CTNNA2: variants seen among roughly 807,000 people sequenced by gnomAD.
CTNNA2 encodes catenin alpha 2.
Under a neutral mutation model 101.0 loss-of-function variants are expected in CTNNA2, and 42 were observed. The observed-to-expected ratio is 0.42, with a 90% confidence interval of 0.32 to 0.54. The LOEUF (loss-of-function observed/expected upper bound fraction) is 0.54, where lower values mean the gene tolerates loss of function less well. Among genes scored for constraint, CTNNA2 ranks in the 20% least tolerant of loss-of-function variants. The pLI is 0.14. For synonymous variants in CTNNA2, 450 were observed against 456.4 expected (o/e 0.99, Z 0.18); for missense variants, 871 against 1,223.1 (o/e 0.71, Z 4.29).
chr2:79,252,292 AT>A (rs5832371), intron 2 of CTNNA2, among the ~76,000 whole-genome samples: 20 of 150,518 alleles, frequency 1.3e-4, no homozygotes, highest in Admixed American at 2.6e-4. Context: ...TTTGGAAGAG[AT>A]TTTTTTTTTT....
At chr2:80,444,008 A>G (rs1682847008) in intron 9 of CTNNA2, among the ~76,000 whole-genome samples, 1 of 152,182 alleles carries the variant, frequency 6.6e-6, no homozygotes, top group Non-Finnish European at 1.5e-5. Flanking sequence ...AAAATTTTGT[A>G]AGGTCTGCTA....
At chr2:80,175,500 C>T (rs1573304067) in intron 7 of CTNNA2, among the ~76,000 whole-genome samples, 1 of 151,430 alleles carries the variant, frequency 6.6e-6, no homozygotes, top group Non-Finnish European at 1.5e-5. Flanking sequence ...CTGAAATTTA[C>T]TCTCTCCTTC....
intron 9 of CTNNA2, among the ~76,000 whole-genome samples, chr2:80,507,315 T>C (rs1688356482): frequency 1.3e-5 from 2 of 152,152 alleles, no homozygotes; most frequent in Non-Finnish European, 2.9e-5. Flanking sequence ...CTCTTTTATT[T>C]ATCCCTTTTA....
At chr2:79,190,899 T>A (rs904157730) in intron 1 of CTNNA2, among the ~76,000 whole-genome samples, 4 of 152,190 alleles carry the variant, frequency 2.6e-5, no homozygotes, top group African/African-American at 9.6e-5. Context: ...CCCAATGTGG[T>A]CCCTGTCTCT....
At chr2:79,690,722 T>C (rs986502493) in intron 2 of CTNNA2, among the ~76,000 whole-genome samples, 1 of 151,920 alleles carries the variant, frequency 6.6e-6, no homozygotes, top group Admixed American at 6.6e-5. Context: ...GAACAGGTGG[T>C]GGAGCGAGGA....
At chr2:79,372,349 C>G (rs2104455715) in intron 3 of CTNNA2, among the ~76,000 whole-genome samples, 1 of 152,172 alleles carries the variant, frequency 6.6e-6, no homozygotes, top group East Asian at 1.9e-4. Context: ...GAGTTACCTA[C>G]TCATTTGTAT....
intron 18 of CTNNA2, among the ~76,000 whole-genome samples, chr2:80,645,557 AAAGATTGC>A (rs138068347): frequency 7.1e-6 from 1 of 140,628 alleles, no homozygotes; most frequent in African/African-American, 2.7e-5. Flanking sequence ...TAGTTAAAAC[AAAGATTGC>A]AAGGTTTTGA....
intron 7 of CTNNA2, among the ~76,000 whole-genome samples, chr2:80,096,159 C>T (rs1700136786): frequency 6.6e-6 from 1 of 152,010 alleles, no homozygotes; most frequent in African/African-American, 2.4e-5. Flanking sequence ...AAATTTCCCT[C>T]TACACACTGC....
chr2:80,316,612 G>T (rs1678149860), intron 7 of CTNNA2, among the ~76,000 whole-genome samples: 1 of 152,196 alleles, frequency 6.6e-6, no homozygotes, highest in Non-Finnish European at 1.5e-5. Context: ...CAGAGAGAGA[G>T]AGGAAAAAGC....
In CTNNA2 at chr2:80,561,379, C is replaced by T. The variant is rs529500902; in HGVS notation, c.1741+5486C>T. ...AATGTCTTTTTTATATGACTAAAAC[C>T]TATATACTCTAAGTATTGTAGAAAT... On this transcript the variant is annotated intron_variant, in intron 12 of 18. Coordinates refer to ENST00000402739, the MANE Select transcript of CTNNA2 (RefSeq NM_001282597.3). 2.6e-5 allele frequency among the ~76,000 whole-genome samples: 4 copies of T among 152,226 alleles called. No individual in the cohort carries two copies. The East Asian group carries it at 7.7e-4, about 29-fold the overall frequency.
intron 3 of CTNNA2, among the ~76,000 whole-genome samples, chr2:79,748,465 G>A (rs1188532997): frequency 2.6e-5 from 4 of 152,114 alleles, no homozygotes; most frequent in African/African-American, 4.8e-5. Flanking sequence ...ATGATATGTT[G>A]TGGGAATGAA....
intron 2 of CTNNA2, among the ~76,000 whole-genome samples, chr2:79,689,572 A>G (rs1290453095): frequency 6.6e-6 from 1 of 152,076 alleles, no homozygotes; most frequent in Non-Finnish European, 1.5e-5. Context: ...AGTGTATGAC[A>G]TTAAATAAAA....
In CTNNA2 at chr2:79,396,541, CAGA is replaced by C. The variant is rs570033993; in HGVS notation, c.-135+22532_-135+22534del. Reference sequence around the variant, plus strand: ...TCACTGAAGAAGGAGATTTTGGACACAGAAGATTAGGTTCGACTGTCTTCCAAC... The same window carrying C: ...TCACTGAAGAAGGAGATTTTGGACACAGATTAGGTTCGACTGTCTTCCAAC... On this transcript the variant is annotated intron_variant, in intron 4 of 21. Transcript: ENST00000466387. 2.5e-3 allele frequency among the ~76,000 whole-genome samples: 380 copies of C among 152,210 alleles called. 1 individual carries two copies. Among genetic ancestry groups the C allele is most frequent in the African/African-American group, 7.3e-3 (305 of 41,534 alleles).
intron 1 of CTNNA2, among the ~76,000 whole-genome samples, chr2:79,591,128 T>C (rs1676818791): frequency 6.6e-6 from 1 of 152,202 alleles, no homozygotes; most frequent in African/African-American, 2.4e-5. Flanking sequence ...GGTTTTGCTA[T>C]TTATAAGAAG....
intron 3 of CTNNA2, among the ~76,000 whole-genome samples, chr2:79,359,185 T>G (rs979488423): frequency 6.6e-6 from 1 of 152,080 alleles, no homozygotes; most frequent in Non-Finnish European, 1.5e-5. Flanking sequence ...GGATGCCTGG[T>G]TTGGGATAAA....
At chr2:80,538,701 TATACAGGC>T (rs1691263898) in intron 9 of CTNNA2, among the ~76,000 whole-genome samples, 1 of 152,230 alleles carries the variant, frequency 6.6e-6, no homozygotes, top group African/African-American at 2.4e-5. Flanking sequence ...TTGTCTTGGC[TATACAGGC>T]TCTTTTTTGT....
intron 4 of CTNNA2, among the ~76,000 whole-genome samples, chr2:79,415,238 C>T (rs1286713320): frequency 1.3e-5 from 2 of 152,092 alleles, no homozygotes; most frequent in East Asian, 3.9e-4. Context: ...GAATGTGGCA[C>T]CTCCACCACT....
At chr2:80,055,075 G>A (rs908039612) in intron 7 of CTNNA2, among the ~76,000 whole-genome samples, 1 of 152,066 alleles carries the variant, frequency 6.6e-6, no homozygotes, top group African/African-American at 2.4e-5. Flanking sequence ...GGTCCAGGCT[G>A]GAGTGCAGTG....
At chr2:79,260,169 G>A (rs577196214) in intron 2 of CTNNA2, among the ~76,000 whole-genome samples, 1 of 152,030 alleles carries the variant, frequency 6.6e-6, no homozygotes, top group South Asian at 2.1e-4. Flanking sequence ...TGTTCTAAGT[G>A]GGACTGTTGT....
Sources: gnomAD v4.1 joint callset for allele counts (sites outside exome capture counted in the v4.1 genomes callset) on GRCh38, gnomAD v4.1.1 for gene constraint, MANE v1.5 for transcripts, NCBI Gene and HGNC (gene_info 2026-07-23, HGNC 2026-07-21) for gene names.